NR4A1: variants seen among roughly 807,000 people sequenced by gnomAD.
NR4A1 encodes the protein nuclear receptor subfamily 4immunitygroup A member 1.
A neutral mutation model predicts 47.5 loss-of-function variants in NR4A1; 24 were observed. The observed-to-expected ratio is 0.50, with a 90% CI of 0.37 to 0.71. The LOEUF (loss-of-function observed/expected upper bound fraction) is 0.71, where lower values mean the gene tolerates loss of function less well. NR4A1 is among the 30% of genes least tolerant of loss of function. The probability of loss-of-function intolerance (pLI) is 0.00; values close to 1 mark genes in which losing one functional copy is unlikely to be tolerated. For missense variants in NR4A1, 669 were observed against 788.6 expected (o/e 0.85, Z 1.82); for synonymous variants, 353 against 345.7 (o/e 1.02, Z -0.24).
upstream of NR4A1, among the ~76,000 whole-genome samples, chr12:52,050,540 C>A (rs1342184477): frequency 2.0e-5 from 3 of 152,218 alleles, no homozygotes; most frequent in Non-Finnish European, 4.4e-5. Flanking sequence ...TTCTGAAATT[C>A]GGTAATTTCC....
upstream of NR4A1, among the ~76,000 whole-genome samples, chr12:52,051,246 T>C (rs1938915145): frequency 6.6e-6 from 1 of 151,642 alleles, no homozygotes; most frequent in South Asian, 2.1e-4. Context: ...CGCGCAGACA[T>C]TCCAGGCCCC....
intron 1 of NR4A1, among the ~76,000 whole-genome samples, chr12:52,025,475 A>G (rs1004752029): frequency 1.1e-4 from 16 of 152,152 alleles, no homozygotes; most frequent in African/African-American, 3.6e-4. Context: ...TTCCCCGGGT[A>G]GGGGCCTTTC....
intron 1 of NR4A1, among the ~76,000 whole-genome samples, chr12:52,052,164 C>A (rs1412852440): frequency 6.6e-6 from 1 of 151,818 alleles, no homozygotes; most frequent in Non-Finnish European, 1.5e-5. Context: ...GGTGGCTGAC[C>A]TGTGGAGGGC....
chr12:52,023,605 G>T (rs1159720637), intron 1 of NR4A1, among the ~76,000 whole-genome samples: 2 of 150,942 alleles, frequency 1.3e-5, no homozygotes, highest in Non-Finnish European at 3.0e-5. Context: ...AGACACGGGC[G>T]CCTCTGCACT....
intron 1 of NR4A1, among the ~76,000 whole-genome samples, chr12:52,028,803 C>T (rs879534458): frequency 9.2e-5 from 14 of 151,644 alleles, no homozygotes; most frequent in Non-Finnish European, 1.9e-4. Flanking sequence ...ACTTGGGAGG[C>T]TGAAGCAGAG....
intron 1 of NR4A1, among the ~76,000 whole-genome samples, chr12:52,053,104 C>T (rs1332828430): frequency 6.6e-6 from 1 of 152,162 alleles, no homozygotes; most frequent in African/African-American, 2.4e-5. Context: ...ATTTCTTCTC[C>T]AGCTTCCCTC....
At chr12:52,052,304 TGAGAGA>T (rs1555168682) in intron 1 of NR4A1, among the ~76,000 whole-genome samples, 5 of 70,594 alleles carry the variant, frequency 7.1e-5, no homozygotes, top group African/African-American at 2.3e-4. Context: ...TGTGTGTGTG[TGAGAGA>T]GAGAGAGAGA....
intron 1 of NR4A1, among the ~76,000 whole-genome samples, chr12:52,053,053 C>G (rs1443218570): frequency 2.6e-5 from 4 of 152,180 alleles, no homozygotes; most frequent in Admixed American, 6.5e-5. Context: ...CCTTTGCCCC[C>G]ATCACTGCAC....
At chr12:52,038,485 T>C (rs1592284875) in intron 1 of NR4A1, 3 of 508,250 alleles carry the variant, frequency 5.9e-6, no homozygotes, top group African/African-American at 3.9e-5. Flanking sequence ...TAGGGGCACA[T>C]TGGGAAAACA....
intron 1 of NR4A1, among the ~76,000 whole-genome samples, chr12:52,027,627 G>A (rs1464378455): frequency 2.0e-5 from 3 of 152,222 alleles, no homozygotes; most frequent in African/African-American, 7.2e-5. Context: ...AGGAAGAGGA[G>A]CCTGAGAAAC....
intron 6 of NR4A1, 60 bp from the exon 7 acceptor site, chr12:52,058,628 G>A: frequency 6.8e-7 from 1 of 1,474,432 alleles, no homozygotes; most frequent in Admixed American, 2.3e-5. Context: ...GCCTGGGGGA[G>A]GCTGGGGCTT....
upstream of NR4A1, among the ~76,000 whole-genome samples, chr12:52,047,780 CT>C (rs778038395): frequency 7.2e-5 from 11 of 152,372 alleles, no homozygotes; most frequent in Admixed American, 1.3e-4. Context: ...ACAGGATGGT[CT>C]GTGCCACTTT....
chr12:52,037,112 G>C (rs1938261742), intron 1 of NR4A1: 1 of 149,352 alleles, frequency 6.7e-6, no homozygotes, highest in African/African-American at 2.4e-5. Context: ...ATGGGCACGC[G>C]TCACGGTCCC....
intron 1 of NR4A1, among the ~76,000 whole-genome samples, chr12:52,028,311 C>A (rs1006065116): frequency 3.3e-5 from 5 of 151,946 alleles, no homozygotes; most frequent in African/African-American, 1.2e-4. Context: ...AGCAGTGGCT[C>A]ACGCCTGTAA....
intron 1 of NR4A1, among the ~76,000 whole-genome samples, chr12:52,030,976 C>A (rs1270212106): frequency 2.0e-5 from 3 of 152,064 alleles, no homozygotes; most frequent in Non-Finnish European, 4.4e-5. Flanking sequence ...CCTCTCCCTG[C>A]AACTTATCCC....
intron 1 of NR4A1, chr12:52,053,881 C>T (rs1280669796): frequency 4.7e-5 from 8 of 170,666 alleles, no homozygotes; most frequent in Non-Finnish European, 1.2e-5. Context: ...GCCTGGTTGG[C>T]GAAACAACCA....
intron 1 of NR4A1, among the ~76,000 whole-genome samples, chr12:52,036,840 C>G (rs1018557474): frequency 7.2e-5 from 11 of 152,246 alleles, no homozygotes; most frequent in Admixed American, 6.5e-4. Flanking sequence ...GGGCCTCGCT[C>G]TTTCCACCTC....
intron 1 of NR4A1, among the ~76,000 whole-genome samples, chr12:52,028,903 A>AAAAAAC (rs374234566): frequency 9.8e-5 from 15 of 152,304 alleles, no homozygotes; most frequent in Middle Eastern, 3.4e-3. Context: ...ACTCCATTTT[A>AAAAAAC]AAAAACAAAA....
At chr12:52,037,174 C>CCGCGGG (rs1207563868) in intron 1 of NR4A1, 37 of 155,488 alleles carry the variant, frequency 2.4e-4, no homozygotes, top group African/African-American at 8.6e-4. Context: ...GCGCGGGCGG[C>CCGCGGG]CGCGGGCGCG....
Sources: allele counts gnomAD v4.1 joint callset (sites outside exome capture counted in the v4.1 genomes callset), GRCh38; gene constraint gnomAD v4.1.1; transcripts MANE v1.5; gene names NCBI Gene and HGNC (gene_info 2026-07-23, HGNC 2026-07-21).